SEMA3F: variants seen among roughly 807,000 people sequenced by gnomAD.
SEMA3F encodes the protein semaphorin-3F.
In SEMA3F, 30 loss-of-function variants were observed where a neutral mutation model predicts 98.5. The observed-to-expected ratio is 0.30, with a 90% CI of 0.23 to 0.41. The LOEUF (loss-of-function observed/expected upper bound fraction) is 0.41, where lower values mean the gene tolerates loss of function less well. SEMA3F is among the 10% of genes least tolerant of loss of function. The pLI, the probability that SEMA3F is intolerant of heterozygous loss-of-function variation, is 1.00. For missense variants in SEMA3F, 866 were observed against 1,119.3 expected (o/e 0.77, Z 3.23); for synonymous variants, 380 against 444.8 (o/e 0.85, Z 1.83).
At chr3:50,176,045 A>G (rs1186913696) in intron 6 of SEMA3F, among the ~76,000 whole-genome samples, 1 of 150,768 alleles carries the variant, frequency 6.6e-6, no homozygotes, top group African/African-American at 2.5e-5. Context: ...CTCTGTGCTC[A>G]CCCCTGTCCC....
intron 7 of SEMA3F, among the ~76,000 whole-genome samples, chr3:50,179,107 G>GCCACCACGCCCACC (rs1698926830): frequency 6.6e-6 from 1 of 152,086 alleles, no homozygotes; most frequent in Non-Finnish European, 1.5e-5. Flanking sequence ...ACAGGCGTGA[G>GCCACCACGCCCACC]CCACCACGCC....
rs1697933649 is a variant in SEMA3F, at chr3:50,155,386, C to T, written c.-227C>T. 3.5e-6 allele frequency: 1 copy of T among 287,498 alleles called. No homozygotes were observed. The highest frequency in any genetic ancestry group is 6.3e-6 in the Non-Finnish European group (1 of 157,540). The allele number at this position is 287,498 out of a possible 1,614,324, so 17.8% of individuals were successfully genotyped here. On this transcript the variant is annotated 5_prime_UTR_variant, in exon 1 of 19. Transcript: ENST00000002829. The surrounding 1 kb of genome is among the most constrained non-coding windows in gnomAD (Gnocchi z 4.9). The stretch of plus-strand genomic sequence containing the variant: ...CCGGGCCCTCGGCTGCTGACGCGCC[C>T]GAAGCCCGCGGAACCGGTTAAGCCG...
At chr3:50,165,617 C>T (rs1254666486) in intron 2 of SEMA3F, among the ~76,000 whole-genome samples, 3 of 152,218 alleles carry the variant, frequency 2.0e-5, no homozygotes, top group Non-Finnish European at 4.4e-5. Flanking sequence ...ATCTGAGCCC[C>T]GCCTCAAGAA....
In SEMA3F at chr3:50,156,608, G is replaced by A. The variant is rs1026225171; in HGVS notation, c.-49+1044G>A. On this transcript the variant is annotated intron_variant, in intron 1 of 18. Coordinates refer to ENST00000002829, the MANE Select transcript of SEMA3F (RefSeq NM_004186.5). The surrounding 1 kb of genome is among the most constrained non-coding windows in gnomAD (Gnocchi z 4.5). ...GTTGGGAGCCCCATCTCAGCCCAGG[G>A]AGTTGGATGGAGCTGAGGCCTCTTC... Among the ~76,000 whole-genome samples, 4 of 152,192 alleles carry A rather than the reference G, an allele frequency of 2.6e-5. No homozygotes were observed. The highest frequency in any genetic ancestry group is 2.6e-4 in the Admixed American group (4 of 15,290).
At chr3:50,160,643 TA>T in intron 2 of SEMA3F, among the ~76,000 whole-genome samples, 1 of 152,082 alleles carries the variant, frequency 6.6e-6, no homozygotes, top group East Asian at 1.9e-4. Context: ...TGGCCAGAGG[TA>T]ACTTCATCCA....
chr3:50,155,123 G>A (rs781682058), upstream of SEMA3F: 4 of 414,090 alleles, frequency 9.7e-6, no homozygotes, highest in Non-Finnish European at 1.8e-5. The surrounding 1 kb of genome is among the most constrained non-coding windows in gnomAD (Gnocchi z 4.9). Context: ...GGTCCGGAGA[G>A]CCCCGAGCGC....
intron 7 of SEMA3F, among the ~76,000 whole-genome samples, chr3:50,177,229 G>A (rs1698848584): frequency 6.6e-6 from 1 of 152,244 alleles, no homozygotes; most frequent in African/African-American, 2.4e-5. Flanking sequence ...CCCATAGCAT[G>A]TTCTTGGTGT....
intron 6 of SEMA3F, among the ~76,000 whole-genome samples, 196 bp from the exon 7 acceptor site, chr3:50,176,572 C>G (rs973284867): frequency 5.9e-5 from 9 of 152,168 alleles, no homozygotes; most frequent in South Asian, 4.1e-4. Context: ...GAAGCACCCC[C>G]CTTGGAGCCC....
intron 12 of SEMA3F, 141 bp from the exon 13 acceptor site, chr3:50,184,451 C>A: frequency 3.0e-6 from 2 of 669,552 alleles, no homozygotes. Flanking sequence ...AGGTGCAGGG[C>A]AGAAACTTGG....
chr3:50,155,074 C>G, upstream of SEMA3F: 1 of 374,740 alleles, frequency 2.7e-6, no homozygotes, highest in South Asian at 4.1e-5. This position sits in a 1 kb window ranked among gnomAD's most constrained non-coding sequence, Gnocchi z 4.9. Context: ...CCCGTCCCGC[C>G]GGCGGCCGCG....
intron 7 of SEMA3F, among the ~76,000 whole-genome samples, chr3:50,181,130 A>G (rs1575402855): frequency 6.6e-6 from 1 of 152,028 alleles, no homozygotes; most frequent in Admixed American, 6.6e-5. Context: ...AAGTAAGCAT[A>G]TGCTGTTGAA....
chr3:50,187,526 C>T (rs1338892548), intron 18 of SEMA3F, among the ~76,000 whole-genome samples, 179 bp from the exon 19 acceptor site: 2 of 151,120 alleles, frequency 1.3e-5, no homozygotes, highest in East Asian at 4.0e-4. Context: ...GAAATCTGTA[C>T]AGATGCCTTA....
chr3:50,163,872 G>A (rs1323628654), intron 2 of SEMA3F, among the ~76,000 whole-genome samples: 1 of 152,208 alleles, frequency 6.6e-6, no homozygotes, highest in Non-Finnish European at 1.5e-5. Context: ...GGATGAGGGA[G>A]GAAGGAAGAC....
chr3:50,187,599 T>C, intron 18 of SEMA3F, 106 bp from the exon 19 acceptor site: 1 of 855,412 alleles, frequency 1.2e-6, no homozygotes, highest in East Asian at 2.7e-5. Context: ...AAATCCCACA[T>C]GGGTGCCTCT....
chr3:50,159,546 C>A, intron 1 of SEMA3F, 29 bp from the exon 2 acceptor site: 1 of 861,770 alleles, frequency 1.2e-6, no homozygotes, highest in Non-Finnish European at 1.9e-6. Flanking sequence ...ATCTGCCTCA[C>A]ACATTCCAAT....
Position 50,156,848 on chromosome 3 carries a change from A to C in SEMA3F, c.-49+1284A>C, listed in dbSNP as rs1161287679. The stretch of plus-strand genomic sequence containing the variant: ...TCGCTGCTCAGCATACCTTGGGGGG[A>C]GGATGGAGCCAGGCTCAGGTGACCT... On this transcript the variant is annotated intron_variant, in intron 1 of 18. Transcript: ENST00000002829. This position sits in a 1 kb window ranked among gnomAD's most constrained non-coding sequence, Gnocchi z 4.5. Among the ~76,000 whole-genome samples the C allele has an allele frequency of 2.0e-5, 3 of 151,724 alleles. No individual in the cohort carries two copies. Among genetic ancestry groups the C allele is most frequent in the African/African-American group, 4.8e-5 (2 of 41,238 alleles).
intron 5 of SEMA3F, 92 bp downstream of exon 5, chr3:50,174,442 C>G: frequency 1.4e-6 from 2 of 1,459,628 alleles, no homozygotes; most frequent in South Asian, 2.7e-5. Flanking sequence ...CCCAGCCCTG[C>G]CACTTCCGAG....
At chr3:50,186,470 T>A in intron 17 of SEMA3F, 122 bp downstream of exon 17, 2 of 1,395,546 alleles carry the variant, frequency 1.4e-6, no homozygotes, top group Non-Finnish European at 2.0e-6. Context: ...GGGTGGGGGC[T>A]AATGGAGATG....
rs537946548 is a variant in SEMA3F, at chr3:50,187,887, G to A, written c.2130G>A (p.Leu710=). ...TCCATGCTGCCCTCTTCCCACCACT[G>A]TCCATGAGCGCCCCGCCACCCCCAG... The part of the protein sequence containing the change: ...DAVHAALFPP[L]SMSAPPPPGA... The change falls in exon 19 of 19, where the codon CTG becomes CTA. Residue 710 remains leucine (L), a synonymous_variant. Coordinates refer to ENST00000002829, the MANE Select transcript of SEMA3F (RefSeq NM_004186.5). 6.2e-7 allele frequency: 1 copy of A among 1,610,316 alleles called. No homozygotes were observed. The highest frequency in any genetic ancestry group is 1.7e-5 in the Admixed American group (1 of 59,962).
Sources: gnomAD v4.1 joint callset for allele counts (sites outside exome capture counted in the v4.1 genomes callset) on GRCh38, gnomAD v4.1.1 for gene constraint, Gnocchi (gnomAD v3.1) non-coding constraint, MANE v1.5 for transcripts, NCBI Gene and HGNC (gene_info 2026-07-23, HGNC 2026-07-21) for gene names.